Variants in CSTPP1 observed in about 807,000 individuals in gnomAD.
CSTPP1 encodes the protein UPF0705 protein C11orf49.
chr11:47,104,833 G>C, the CSTPP1 span, among the ~76,000 whole-genome samples: 1 of 152,214 alleles, frequency 6.6e-6, no homozygotes, highest in Admixed American at 6.5e-5. Context: ...GAATGCTGCA[G>C]GGTAAGGCAG....
chr11:47,036,264 T>TATATATTATATATTATATATTATATA, the CSTPP1 span, among the ~76,000 whole-genome samples: 56 of 32,918 alleles, frequency 1.7e-3, 7 homozygotes, highest in Non-Finnish European at 2.7e-3. Context: ...TATTATATAA[T>TATATATTATATATTATATATTATATA]ATATATATTA....
chr11:47,129,791 T>C, the CSTPP1 span, among the ~76,000 whole-genome samples: 5 of 152,328 alleles, frequency 3.3e-5, no homozygotes, highest in South Asian at 1.0e-3. Flanking sequence ...TTTAAATCTT[T>C]ACCTGCTGTA....
chr11:47,075,816 G>A, the CSTPP1 span, among the ~76,000 whole-genome samples: 1 of 151,494 alleles, frequency 6.6e-6, no homozygotes, highest in African/African-American at 2.4e-5. Flanking sequence ...TACTCAGGAG[G>A]CTGAGGCAGG....
At chr11:46,952,973 AT>A in the CSTPP1 span, among the ~76,000 whole-genome samples, 6 of 152,330 alleles carry the variant, frequency 3.9e-5, no homozygotes, top group East Asian at 1.2e-3. Context: ...AAAGAAAGAT[AT>A]TTATCTTCCT....
the CSTPP1 span, among the ~76,000 whole-genome samples, chr11:47,081,312 G>A: frequency 1.3e-5 from 2 of 151,720 alleles, no homozygotes; most frequent in Non-Finnish European, 2.9e-5. Flanking sequence ...TCCCGAGAAA[G>A]AAAAGAAATA....
At chr11:47,008,888 G>A in the CSTPP1 span, among the ~76,000 whole-genome samples, 25 of 152,136 alleles carry the variant, frequency 1.6e-4, no homozygotes, top group African/African-American at 6.0e-4. Flanking sequence ...AAAATTAGCT[G>A]GGCGTAGTGG....
At chr11:47,011,937 C>A in the CSTPP1 span, among the ~76,000 whole-genome samples, 1 of 151,986 alleles carries the variant, frequency 6.6e-6, no homozygotes, top group Non-Finnish European at 1.5e-5. Context: ...AATAAATAAA[C>A]AAATAAATTA....
chr11:47,114,820 A>G, the CSTPP1 span, among the ~76,000 whole-genome samples: 4 of 152,240 alleles, frequency 2.6e-5, no homozygotes, highest in Admixed American at 2.6e-4. Flanking sequence ...AATACCCTTT[A>G]TTTCTTTCTC....
At chr11:47,062,833 C>G in the CSTPP1 span, among the ~76,000 whole-genome samples, 2 of 152,198 alleles carry the variant, frequency 1.3e-5, no homozygotes, top group Non-Finnish European at 2.9e-5. Flanking sequence ...ACATAAAAGT[C>G]TCAATTTCAG....
chr11:47,113,302 C>T, the CSTPP1 span, among the ~76,000 whole-genome samples: 1 of 152,156 alleles, frequency 6.6e-6, no homozygotes, highest in Admixed American at 6.5e-5. Flanking sequence ...AATAAACATA[C>T]GTATGCATGT....
the CSTPP1 span, among the ~76,000 whole-genome samples, chr11:47,081,785 AGATG>A: frequency 1.2e-3 from 186 of 152,274 alleles, no homozygotes; most frequent in African/African-American, 4.3e-3. Flanking sequence ...AACAAATTCT[AGATG>A]GATCAAAAAT....
the CSTPP1 span, chr11:47,137,519 C>G: frequency 6.5e-7 from 1 of 1,541,012 alleles, no homozygotes; most frequent in South Asian, 1.2e-5. Context: ...GCATACCCTT[C>G]ACACTGACTT....
At chr11:47,085,610 C>T in the CSTPP1 span, among the ~76,000 whole-genome samples, 2 of 152,108 alleles carry the variant, frequency 1.3e-5, no homozygotes, top group Non-Finnish European at 2.9e-5. Context: ...GAGGACTAGG[C>T]TGGGCGCAGT....
At chr11:47,007,438 T>G in the CSTPP1 span, among the ~76,000 whole-genome samples, 1 of 152,206 alleles carries the variant, frequency 6.6e-6, no homozygotes, top group Admixed American at 6.5e-5. Context: ...ACCCATCTAC[T>G]GAGTTCTTAA....
At chr11:47,023,438 A>G in the CSTPP1 span, 1 of 153,556 alleles carries the variant, frequency 6.5e-6, no homozygotes, top group East Asian at 1.9e-4. Flanking sequence ...ATCAGGGCCC[A>G]TAGGGGACCT....
chr11:47,095,543 G>A, the CSTPP1 span, among the ~76,000 whole-genome samples: 2 of 152,052 alleles, frequency 1.3e-5, no homozygotes, highest in African/African-American at 2.4e-5. Flanking sequence ...GCTTCCAATT[G>A]AAGGAAAATC....
chr11:47,070,078 A>C, the CSTPP1 span, among the ~76,000 whole-genome samples: 1 of 152,152 alleles, frequency 6.6e-6, no homozygotes, highest in Admixed American at 6.6e-5. Flanking sequence ...TATTAAACGC[A>C]TTCTCTAAAG....
At chr11:47,084,769 G>A in the CSTPP1 span, among the ~76,000 whole-genome samples, 1 of 152,236 alleles carries the variant, frequency 6.6e-6, no homozygotes, top group African/African-American at 2.4e-5. Flanking sequence ...GGTAGTGTAT[G>A]CCCTTCAACT....
At chr11:47,036,133 AATATAAT>A in the CSTPP1 span, among the ~76,000 whole-genome samples, 23 of 31,420 alleles carry the variant, frequency 7.3e-4, 1 homozygote, top group East Asian at 4.3e-3. Context: ...TATAATATAC[AATATAAT>A]ATATAATATA....
Sources: gnomAD v4.1 joint callset for allele counts (sites outside exome capture counted in the v4.1 genomes callset) on GRCh38, gnomAD v4.1.1 for gene constraint, MANE v1.5 for transcripts, NCBI Gene and HGNC (gene_info 2026-07-23, HGNC 2026-07-21) for gene names.